Variants in NEDD4 observed in about 807,000 individuals in gnomAD.
NEDD4 encodes the protein E3 ubiquitin-protein ligase NEDD4.
In NEDD4, 99 loss-of-function variants were observed where a neutral mutation model predicts 144.9. The observed-to-expected ratio is 0.68, with a 90% CI of 0.58 to 0.81. The LOEUF is 0.81. Among genes scored for constraint, NEDD4 ranks in the 30% least tolerant of loss-of-function variants. The pLI, the probability that NEDD4 is intolerant of heterozygous loss-of-function variation, is 0.00. For missense variants in NEDD4, 985 were observed against 1,065.9 expected (o/e 0.92, Z 1.06); for synonymous variants, 318 against 350.6 (o/e 0.91, Z 1.04).
At chr15:55,954,554 C>T (rs890376366) in intron 2 of NEDD4, among the ~76,000 whole-genome samples, 2 of 151,046 alleles carry the variant, frequency 1.3e-5, no homozygotes, top group South Asian at 4.2e-4. Context: ...GATGGAGTTT[C>T]ACTCTTATTG....
At chr15:55,965,544 C>T (rs2037497799) in intron 2 of NEDD4, among the ~76,000 whole-genome samples, 1 of 152,156 alleles carries the variant, frequency 6.6e-6, no homozygotes. Context: ...TCAGCTCTCT[C>T]TCTTCCAGAA....
At chr15:55,909,990 A>T (rs573393438) in intron 5 of NEDD4, among the ~76,000 whole-genome samples, 1 of 145,918 alleles carries the variant, frequency 6.9e-6, no homozygotes, top group South Asian at 2.2e-4. Flanking sequence ...TGTTTCCTTC[A>T]TTTGATATTG....
At chr15:55,951,683 G>T in intron 2 of NEDD4, 94 bp from the exon 3 acceptor site, 1 of 896,640 alleles carries the variant, frequency 1.1e-6, no homozygotes, top group Non-Finnish European at 1.6e-6. Flanking sequence ...AGTTTTCCTT[G>T]TTAGTTATAT....
chr15:55,872,695 G>C (rs1309912183), intron 6 of NEDD4, among the ~76,000 whole-genome samples: 1 of 152,172 alleles, frequency 6.6e-6, no homozygotes, highest in Non-Finnish European at 1.5e-5. Flanking sequence ...TAGCTGAGCA[G>C]GTGGGTTGTG....
intron 1 of NEDD4, among the ~76,000 whole-genome samples, chr15:55,991,517 A>T (rs2037988275): frequency 6.6e-6 from 1 of 152,262 alleles, no homozygotes; most frequent in African/African-American, 2.4e-5. Context: ...ATGTCTGTTG[A>T]ATGAATAATC....
At chr15:55,899,044 G>C (rs1019771014) in intron 5 of NEDD4, among the ~76,000 whole-genome samples, 3 of 152,204 alleles carry the variant, frequency 2.0e-5, no homozygotes, top group Admixed American at 6.5e-5. Context: ...ACAGTGATCA[G>C]TGAAAACAAA....
chr15:55,890,433 C>T lies in NEDD4; in HGVS notation c.292-16425G>A, dbSNP rs556840627. On this transcript the variant is annotated intron_variant, in intron 5 of 28. Transcript: ENST00000435532. ...ATGGATTTGCCTATTCTGGATATTT[C>T]ATATAAGTGGAATTATATAATACGT... Among the ~76,000 whole-genome samples the T allele has an allele frequency of 2.5e-3, 378 of 152,216 alleles. 2 individuals are homozygous for T. The highest frequency in any genetic ancestry group is 8.8e-3 in the African/African-American group (364 of 41,544).
intron 5 of NEDD4, among the ~76,000 whole-genome samples, chr15:55,883,010 G>A (rs1163711703): frequency 6.6e-6 from 1 of 152,118 alleles, no homozygotes; most frequent in Non-Finnish European, 1.5e-5. Flanking sequence ...AAGAGTAGAA[G>A]GAAGAGTAAA....
chr15:55,860,826 A>G (rs755520697), intron 9 of NEDD4, 48 bp from the exon 10 acceptor site: 12 of 1,494,890 alleles, frequency 8.0e-6, no homozygotes, highest in Middle Eastern at 1.7e-4. Context: ...AAGTAGTTAA[A>G]ATGATTGTCA....
In NEDD4 at chr15:55,841,622, GC is replaced by G. The variant is rs2033506075; in HGVS notation, c.1838+311del. The stretch of plus-strand genomic sequence containing the variant: ...TTTTTTAGAGGAGTCTTGCTCTGTT[GC>G]CCAGGCTGGAGTGCAGTGGCGTGAT... On this transcript the variant is annotated intron_variant, in intron 19 of 28. Coordinates refer to ENST00000435532, the MANE Select transcript of NEDD4 (RefSeq NM_006154.4). Among the ~76,000 whole-genome samples, 5 of 152,254 alleles carry G rather than the reference GC, an allele frequency of 3.3e-5. No homozygotes were observed. The South Asian group carries it at 1.0e-3, about 32-fold the overall frequency.
chr15:55,948,397 T>G (rs1017508498), intron 4 of NEDD4, among the ~76,000 whole-genome samples: 5 of 152,140 alleles, frequency 3.3e-5, no homozygotes, highest in African/African-American at 4.8e-5. Flanking sequence ...TTTATAGATT[T>G]AATGCCATCT....
chr15:55,848,620 G>C, intron 15 of NEDD4, 45 bp from the exon 16 acceptor site: 1 of 1,524,318 alleles, frequency 6.6e-7, no homozygotes, highest in Non-Finnish European at 9.1e-7. Flanking sequence ...GAGGGGCGTA[G>C]ATGAATGGAT....
At chr15:55,865,779 A>G (rs549109702) in intron 8 of NEDD4, among the ~76,000 whole-genome samples, 1 of 152,234 alleles carries the variant, frequency 6.6e-6, no homozygotes, top group South Asian at 2.1e-4. Flanking sequence ...TTGGGAAGGA[A>G]AGGAATGTTT....
At chr15:55,940,722 G>C (rs1457694202) in intron 4 of NEDD4, among the ~76,000 whole-genome samples, 1 of 151,684 alleles carries the variant, frequency 6.6e-6, no homozygotes, top group Non-Finnish European at 1.5e-5. Context: ...GGTAGAGATG[G>C]GGTCCCACTA....
chr15:55,951,085 A>G (rs112403529), intron 4 of NEDD4, among the ~76,000 whole-genome samples: 164 of 152,328 alleles, frequency 1.1e-3, no homozygotes, highest in Non-Finnish European at 1.9e-3. Flanking sequence ...AGACATAAAT[A>G]TAATTTGCAT....
intron 21 of NEDD4, 145 bp downstream of exon 21, chr15:55,840,302 T>G: frequency 1.3e-6 from 1 of 756,338 alleles, no homozygotes; most frequent in South Asian, 2.2e-5. Flanking sequence ...AAAATTTTCA[T>G]AATAAAATGT....
At chr15:55,853,914 C>CT (rs2034090236) in intron 12 of NEDD4, among the ~76,000 whole-genome samples, 1 of 152,126 alleles carries the variant, frequency 6.6e-6, no homozygotes, top group Non-Finnish European at 1.5e-5. Context: ...CTGCTTGAAC[C>CT]GGGAGGCAGA....
intron 5 of NEDD4, among the ~76,000 whole-genome samples, chr15:55,876,859 CT>C (rs1185650614): frequency 3.8e-4 from 57 of 149,132 alleles, no homozygotes; most frequent in African/African-American, 1.3e-3. Flanking sequence ...TTTTTTTTCA[CT>C]TTTTTTTTCT....
chr15:55,833,230 A>G (rs2033042234), intron 26 of NEDD4, 126 bp from the exon 27 acceptor site: 1 of 617,772 alleles, frequency 1.6e-6, no homozygotes, highest in Non-Finnish European at 2.7e-6. Flanking sequence ...TGTTTCTTTC[A>G]GTTAAATTTT....
Sources: allele counts gnomAD v4.1 joint callset (sites outside exome capture counted in the v4.1 genomes callset), GRCh38; gene constraint gnomAD v4.1.1; transcripts MANE v1.5; gene names NCBI Gene and HGNC (gene_info 2026-07-23, HGNC 2026-07-21).